Variants in GSAP observed in about 807,000 individuals in gnomAD.
The protein encoded by GSAP is gamma-secretase-activating protein.
In GSAP, 118 loss-of-function variants were observed where a neutral mutation model predicts 131.7. That is an observed-to-expected ratio of 0.90 (90% CI 0.77 to 1.04). The LOEUF (loss-of-function observed/expected upper bound fraction) is 1.04, where lower values mean the gene tolerates loss of function less well. Among genes scored for constraint, GSAP ranks in the 50% least tolerant of loss-of-function variants. The pLI, the probability that GSAP is intolerant of heterozygous loss-of-function variation, is 0.00. For missense variants in GSAP, 1,019 were observed against 1,013.2 expected, an observed-to-expected ratio of 1.01 and a Z score of -0.08; for synonymous variants, 381 against 363.4, an observed-to-expected ratio of 1.05 and a Z score of -0.55.
chr7:77,362,744 T>C, intron 12 of GSAP, 84 bp from the exon 13 acceptor site: 1 of 754,830 alleles, frequency 1.3e-6, no homozygotes, highest in South Asian at 1.6e-5. Context: ...CTTACTTCTA[T>C]TCCTTTAGAT....
intron 5 of GSAP, among the ~76,000 whole-genome samples, chr7:77,388,985 C>T (rs143033706): frequency 1.3e-5 from 2 of 152,210 alleles, no homozygotes; most frequent in African/African-American, 4.8e-5. Context: ...CAGGATCTTA[C>T]AACCAAGGGT....
chr7:77,410,827 A>C (rs1174280420), intron 1 of GSAP, among the ~76,000 whole-genome samples: 1 of 152,172 alleles, frequency 6.6e-6, no homozygotes, highest in Non-Finnish European at 1.5e-5. Context: ...CCTTATACAA[A>C]ATTTTGAACT....
intron 27 of GSAP, 117 bp downstream of exon 27, chr7:77,314,253 G>T: frequency 2.1e-6 from 2 of 958,072 alleles, no homozygotes; most frequent in Non-Finnish European, 1.6e-6. Context: ...AACTGAGCAG[G>T]GCACTCTTCT....
chr7:77,402,328 C>T (rs150022734), intron 3 of GSAP, among the ~76,000 whole-genome samples: 15 of 144,846 alleles, frequency 1.0e-4, no homozygotes, highest in Non-Finnish European at 1.4e-4. Context: ...AGGCAGATCA[C>T]GAGGTCAAGA....
intron 5 of GSAP, among the ~76,000 whole-genome samples, chr7:77,390,476 G>A (rs2151090504): frequency 6.6e-6 from 1 of 152,260 alleles, no homozygotes; most frequent in East Asian, 1.9e-4. Context: ...GTGTAAGGAA[G>A]GGATCCAGTT....
At chr7:77,318,329 G>T (rs988632940) in intron 26 of GSAP, among the ~76,000 whole-genome samples, 3 of 150,896 alleles carry the variant, frequency 2.0e-5, no homozygotes, top group African/African-American at 7.3e-5. Flanking sequence ...TCCAACTTAA[G>T]TTTCTACCAG....
Position 77,355,288 on chromosome 7 carries a change from G to A in GSAP, c.1263C>T (p.Cys421=). ...SSLLQLLQNT[C]LDCEKMAALH... is the part of the protein sequence containing the mutation. ...ACGCAGCCATCTTCTCACAGTCTAA[G>A]CAAGTGTTCTGCAGAAGCTGTAATA... is the stretch of plus-strand genomic sequence containing the variant. The change falls in exon 16 of 31, where the codon TGC becomes TGT. Residue 421 remains cysteine (C), a synonymous_variant. Coordinates refer to ENST00000257626, the MANE Select transcript of GSAP (RefSeq NM_017439.4). The A allele has an allele frequency of 2.5e-6, 4 of 1,614,020 alleles. No homozygotes were observed. The highest frequency in any genetic ancestry group is 2.7e-5 in the African/African-American group (2 of 75,052).
At chr7:77,315,223 C>CA (rs1794845960) in intron 26 of GSAP, 1 of 152,246 alleles carries the variant, frequency 6.6e-6, no homozygotes, top group Non-Finnish European at 1.5e-5. Flanking sequence ...CAATTCCTAT[C>CA]AGTGGAAATG....
chr7:77,381,459 GAAC>G (rs745436865), intron 7 of GSAP, 105 bp from the exon 8 acceptor site: 244 of 532,336 alleles, frequency 4.6e-4, no homozygotes, highest in Non-Finnish European at 1.2e-4. Context: ...AATGCAGATT[GAAC>G]AACTGGCCAG....
At chr7:77,338,346 T>C (rs1790354023) in intron 19 of GSAP, among the ~76,000 whole-genome samples, 1 of 152,220 alleles carries the variant, frequency 6.6e-6, no homozygotes, top group Admixed American at 6.5e-5. Context: ...TCAACATATT[T>C]CCTGTTAGTG....
chr7:77,333,099 G>A (rs1210466870), intron 19 of GSAP, among the ~76,000 whole-genome samples: 4 of 152,092 alleles, frequency 2.6e-5, no homozygotes, highest in East Asian at 1.9e-4. Flanking sequence ...CCCGGGAGGC[G>A]GAGGTTGCAG....
chr7:77,319,421 T>C (rs143409750), intron 26 of GSAP, among the ~76,000 whole-genome samples: 9 of 152,294 alleles, frequency 5.9e-5, no homozygotes, highest in African/African-American at 1.9e-4. Context: ...TGTGGAGAAA[T>C]TGGAATCCTT....
chr7:77,388,347 C>T (rs1159662679), intron 5 of GSAP, among the ~76,000 whole-genome samples: 9 of 152,232 alleles, frequency 5.9e-5, no homozygotes, highest in Admixed American at 5.9e-4. Flanking sequence ...ATTTCTGATA[C>T]ATGAACATGT....
At chr7:77,384,129 C>T (rs1010751965) in intron 6 of GSAP, among the ~76,000 whole-genome samples, 2 of 152,206 alleles carry the variant, frequency 1.3e-5, no homozygotes, top group Non-Finnish European at 2.9e-5. Flanking sequence ...AGATGAATGA[C>T]ACCACATATA....
In GSAP at chr7:77,409,085, C is replaced by T. The variant is rs888110720; in HGVS notation, c.110-2980G>A. On this transcript the variant is annotated intron_variant, in intron 1 of 30. Coordinates refer to ENST00000257626, the MANE Select transcript of GSAP (RefSeq NM_017439.4). ...AGTGTTTTCTATACATGGGTATAAACGTTTGTCAGTATATTGACATGTATA... is the reference window on the plus strand; with the variant it reads ...AGTGTTTTCTATACATGGGTATAAATGTTTGTCAGTATATTGACATGTATA... Among the ~76,000 whole-genome samples, 17 of 152,114 alleles carry T rather than the reference C, an allele frequency of 1.1e-4. No homozygotes were observed. In the East Asian group the frequency reaches 3.1e-3, roughly 28 times the overall value.
chr7:77,323,599 G>A, intron 24 of GSAP, 48 bp downstream of exon 24: 1 of 887,622 alleles, frequency 1.1e-6, no homozygotes, highest in Non-Finnish European at 1.8e-6. Context: ...GAACTATATG[G>A]GGAGTGGGGT....
intron 3 of GSAP, among the ~76,000 whole-genome samples, chr7:77,399,301 A>C (rs911184141): frequency 1.3e-5 from 2 of 152,230 alleles, no homozygotes; most frequent in Non-Finnish European, 2.9e-5. Context: ...GGCTTGATCC[A>C]GAGCTGGAAA....
intron 19 of GSAP, among the ~76,000 whole-genome samples, chr7:77,336,481 C>CT (rs140795283): frequency 0.13 from 19,472 of 151,212 alleles, 1,446 homozygotes; most frequent in South Asian, 0.26. Flanking sequence ...GCCTCAAGCT[C>CT]TTTTTTTTTG....
chr7:77,397,688 G>A (rs150302544), intron 3 of GSAP, among the ~76,000 whole-genome samples: 148 of 152,306 alleles, frequency 9.7e-4, no homozygotes, highest in African/African-American at 3.4e-3. Context: ...CTAGATCCAG[G>A]TTCAAACCCT....
Sources: gnomAD v4.1 joint callset for allele counts (sites outside exome capture counted in the v4.1 genomes callset) on GRCh38, gnomAD v4.1.1 for gene constraint, MANE v1.5 for transcripts, NCBI Gene and HGNC (gene_info 2026-07-23, HGNC 2026-07-21) for gene names.